Variants in RAET1E observed in about 807,000 individuals in gnomAD.
RAET1E encodes the protein retinoic acid early transcript 1E, also known as NKG2D ligand 4.
RAET1E carries 27 observed loss-of-function variants against 21.1 expected under a neutral mutation model. The ratio of observed to expected loss-of-function variants is 1.28; its 90% CI spans 0.94 to 1.76. The LOEUF is 1.76. Among genes scored for constraint, RAET1E ranks in the 40% most tolerant of loss-of-function variants. The pLI is 0.00. For synonymous variants in RAET1E, 113 were observed against 115.0 expected (o/e 0.98, Z 0.11); for missense variants, 310 against 311.3 (o/e 1.00, Z 0.03).
rs1317213638 is a variant in RAET1E at position 149,898,072 on chromosome 6, C to G, written c.-372G>C. 6.6e-6 allele frequency: 1 copy of G among 152,176 alleles called. No individual in the cohort carries two copies. Among genetic ancestry groups the G allele is most frequent in the East Asian group, 1.9e-4 (1 of 5,184 alleles). The allele number at this position is 152,176 out of a possible 1,614,324, so 9.4% of individuals were successfully genotyped here. A position where few individuals can be genotyped will look rare whatever the true frequency, so the allele number is the denominator to read the frequency against. On this transcript the variant is annotated 5_prime_UTR_variant, in exon 1 of 6. Transcript: ENST00000357183. ...TTCTGCCGTCTCTAGGATGGAGAGG[C>G]CTGAGGTGACTGCTTCCTCAGAGTC...
intron 2 of RAET1E, among the ~76,000 whole-genome samples, chr6:149,895,184 G>C (rs1778066129): frequency 6.6e-6 from 1 of 152,224 alleles, no homozygotes. Context: ...TCCTGTATGA[G>C]GTGTCTGTCG....
Position 149,892,566 on chromosome 6 carries a change from A to G in RAET1E, c.-133-1532T>C, listed in dbSNP as rs140494792. 6.1e-3 allele frequency among the ~76,000 whole-genome samples: 928 copies of G among 151,816 alleles called. 8 individuals are homozygous for G. The highest frequency in any genetic ancestry group is 0.021 in the African/African-American group (868 of 41,436). On this transcript the variant is annotated intron_variant, in intron 2 of 5. Coordinates refer to ENST00000357183, the MANE Select transcript of RAET1E (RefSeq NM_001394057.1). ...TTTTTGATGGGGTTGTTTTTTTTCTAGTAAATTTGTTTAAGTTCTTTGTAG... is the reference window on the plus strand; with the variant it reads ...TTTTTGATGGGGTTGTTTTTTTTCTGGTAAATTTGTTTAAGTTCTTTGTAG...
Position 149,884,309 on chromosome 6 carries a change from AT to A in RAET1E, c.*4188del, listed in dbSNP as rs1294056938. 0.013 allele frequency: 6,164 copies of A among 470,690 alleles called. No individual in the cohort carries two copies. The highest frequency in any genetic ancestry group is 0.019 in the Middle Eastern group (32 of 1,680). The allele number at this position is 470,690 out of a possible 1,614,324, so 29.2% of individuals were successfully genotyped here. On this transcript the variant is annotated 3_prime_UTR_variant, in exon 6 of 6. Coordinates refer to ENST00000357183, the MANE Select transcript of RAET1E (RefSeq NM_001394057.1). ...TTTAAAAAATATGTACTGAAAAAAA[AT>A]TTTTTTTTTTTGAGACGGAGTCTTG...
At position 149,884,632 on chromosome 6, in the gene RAET1E, T is replaced by G; in HGVS notation, c.*3866A>C. On this transcript the variant is annotated 3_prime_UTR_variant, in exon 6 of 6. Transcript: ENST00000357183. ...AGAGATCAGCCGCTATTGTTCACAT[T>G]CTGCCTCTCTGTCATCTAGTTTATG... The G allele has an allele frequency of 1.3e-6, 1 of 763,842 alleles. No homozygotes were observed. Among genetic ancestry groups the G allele is most frequent in the Non-Finnish European group, 2.2e-6 (1 of 455,360 alleles). 47.3% of individuals were successfully genotyped at this position (763,842 alleles called of 1,614,324 possible).
chr6:149,884,125 G>T lies in RAET1E; in HGVS notation c.*4373C>A, dbSNP rs1406582734. On this transcript the variant is annotated 3_prime_UTR_variant, in exon 6 of 6. Coordinates refer to ENST00000357183, the MANE Select transcript of RAET1E (RefSeq NM_001394057.1). The stretch of plus-strand genomic sequence containing the variant: ...CTCCCTCTCACACATAGAGGAGGGG[G>T]TGTTAGAACCAGGTGGGCTGGTGGT... 8.7e-6 allele frequency: 2 copies of T among 230,838 alleles called. No individual in the cohort carries two copies. The highest frequency in any genetic ancestry group is 8.5e-5 in the East Asian group (1 of 11,742). 14.3% of individuals were successfully genotyped at this position (230,838 alleles called of 1,614,324 possible). A position where few individuals can be genotyped will look rare whatever the true frequency, so the allele number is the denominator to read the frequency against.
At position 149,888,655 on chromosome 6, in the gene RAET1E, T is replaced by G. The variant is rs1403623846; in HGVS notation, c.635A>C (p.Asn212Thr). The part of the protein sequence containing the change: ...AMPEPTVSPV[N>T]ASDIHWSSSS... The stretch of plus-strand genomic sequence containing the variant: ...AGAAGACCAGTGGATATCTGAAGCA[T>G]TTACTGGTGACACTAAAAAAAAAAA... Residue 212 changes from asparagine to threonine, a missense_variant, in exon 6 of 6, where the codon AAT becomes ACT. Asn to Thr is a moderately conservative substitution (Grantham distance 65, BLOSUM62 0). Coordinates refer to ENST00000357183, the MANE Select transcript of RAET1E (RefSeq NM_001394057.1). The G allele has an allele frequency of 1.3e-6, 2 of 1,573,028 alleles. No homozygotes were observed. The highest frequency in any genetic ancestry group is 1.7e-6 in the Non-Finnish European group (2 of 1,171,108).
Position 149,890,823 on chromosome 6 carries a change from T to C in RAET1E, c.79A>G (p.Met27Val). The change falls in exon 3 of 6, where the codon ATG becomes GTG. Residue 27 changes from methionine (M) to valine (V), a missense_variant. Coordinates refer to ENST00000357183, the MANE Select transcript of RAET1E (RefSeq NM_001394057.1). The part of the protein sequence containing the change: ...LLLLLIALEI[M>V]VGGHSLCFNF... ...TTGTGCTCAGGACACTCACCAACCA[T>C]GATCTCCAAGGCTATTAGTAGCAAC... 1 of 1,611,356 alleles carries C rather than the reference T, an allele frequency of 6.2e-7. No individual in the cohort carries two copies. The highest frequency in any genetic ancestry group is 8.5e-7 in the Non-Finnish European group (1 of 1,177,704).
chr6:149,889,334 C>T lies in RAET1E; in HGVS notation c.622+14G>A. The T allele has an allele frequency of 2.5e-6, 4 of 1,613,646 alleles. No homozygotes were observed. Among genetic ancestry groups the T allele is most frequent in the Non-Finnish European group, 2.5e-6 (3 of 1,179,832 alleles). ...TAAAGGGAGCTGCCACATTCTCCCA[C>T]CCAGCTCAGTTACCTGTCGGTTCTG... On this transcript the variant is annotated intron_variant, in intron 5 of 5. Transcript: ENST00000357183.
chr6:149,886,343 C>T lies in RAET1E; in HGVS notation c.*2155G>A, dbSNP rs2115486015. Among the ~76,000 whole-genome samples the T allele has an allele frequency of 6.6e-6, 1 of 152,234 alleles. No individual in the cohort carries two copies. The highest frequency in any genetic ancestry group is 1.9e-4 in the East Asian group (1 of 5,188). On this transcript the variant is annotated 3_prime_UTR_variant, in exon 6 of 6. Coordinates refer to ENST00000357183, the MANE Select transcript of RAET1E (RefSeq NM_001394057.1). ...TGATTTCTAGTTTATTTCCATTGTG[C>T]TTGGACAAGATGCTTCGCATGATTT...
At position 149,889,980 on chromosome 6, in the gene RAET1E, G is replaced by A. The variant is rs1479606265; in HGVS notation, c.251C>T (p.Thr84Ile). 6.2e-7 allele frequency: 1 copy of A among 1,614,100 alleles called. No homozygotes were observed. The highest frequency in any genetic ancestry group is 1.1e-5 in the South Asian group (1 of 91,082). ...TTGGGTCAATTCTCCCCAAGTGCTG[G>A]TGGCATATACCTTCTTCCCCAGGAG... ...LGLLGKKVYA[T>I]STWGELTQTL... The change falls in exon 4 of 6, where the codon ACC becomes ATC. Residue 84 changes from threonine (T) to isoleucine (I), a missense_variant. Physicochemically the swap from Thr to Ile is moderately conservative, Grantham distance 89. Coordinates refer to ENST00000357183, the MANE Select transcript of RAET1E (RefSeq NM_001394057.1).
At position 149,890,863 on chromosome 6, in the gene RAET1E, A is replaced by G; in HGVS notation, c.39T>C (p.Leu13=). The change falls in exon 3 of 6, where the codon CTT becomes CTC. Residue 13 remains leucine, a synonymous_variant. Transcript: ENST00000357183. ...RISLTSSPVR[L]LLFLLLLLIA... ...TTAGTAGCAACAGCAGAAACAAAAG[A>G]AGGCGCACAGGGCTAGAAGTCAGGG... The G allele has an allele frequency of 1.2e-6, 2 of 1,613,796 alleles. No homozygotes were observed. The highest frequency in any genetic ancestry group is 1.7e-6 in the Non-Finnish European group (2 of 1,179,726).
rs983018149 is a variant in RAET1E, at chr6:149,889,737, T to C, written c.347-114A>G. ...GGTCTGTATTCTTTCTGCCCAGACT[T>C]GCCCTTTCCTGCCCATTGGGTCCCA... On this transcript the variant is annotated intron_variant, in intron 4 of 5. Transcript: ENST00000357183. 21 of 1,476,294 alleles carry C rather than the reference T, an allele frequency of 1.4e-5. No homozygotes were observed. In the African/African-American group the frequency reaches 2.2e-4, roughly 16 times the overall value. 91.4% of individuals were successfully genotyped at this position (1,476,294 alleles called of 1,614,324 possible).
In RAET1E at chr6:149,889,486, G is replaced by A. The variant is rs1777776835; in HGVS notation, c.484C>T (p.His162Tyr). The A allele has an allele frequency of 6.2e-7, 1 of 1,614,032 alleles. No individual in the cohort carries two copies. The highest frequency in any genetic ancestry group is 1.3e-5 in the African/African-American group (1 of 74,922). ...AMNMTWTVIN[H>Y]EASKIKETWK... ...GTCTCCTTGATCTTACTGGCTTCAT[G>A]ATTAATTACTGTCCAGGTCATGTTC... The change falls in exon 5 of 6, where the codon CAT (histidine) becomes TAT (tyrosine). Residue 162 changes from histidine to tyrosine, a missense_variant. Physicochemically the swap from His to Tyr is moderately conservative, Grantham distance 83. Coordinates refer to ENST00000357183, the MANE Select transcript of RAET1E (RefSeq NM_001394057.1).
rs1351588507 is a variant in RAET1E at position 149,885,283 on chromosome 6, G to A, written c.*3215C>T. On this transcript the variant is annotated 3_prime_UTR_variant, in exon 6 of 6. Coordinates refer to ENST00000357183, the MANE Select transcript of RAET1E (RefSeq NM_001394057.1). ...CGCTGTGGATGCATTAATTTGGAAA[G>A]GTCCCTGTTCACCTCAGGGCCCACT... Among the ~76,000 whole-genome samples the A allele has an allele frequency of 2.6e-5, 4 of 152,112 alleles. No individual in the cohort carries two copies. Among genetic ancestry groups the A allele is most frequent in the Non-Finnish European group, 5.9e-5 (4 of 68,026 alleles).
intron 5 of RAET1E, among the ~76,000 whole-genome samples, chr6:149,888,903 G>A (rs1419846853): frequency 6.6e-6 from 1 of 152,148 alleles, no homozygotes; most frequent in Non-Finnish European, 1.5e-5. Flanking sequence ...ATATCCATCT[G>A]ATTACCACAC....
intron 2 of RAET1E, among the ~76,000 whole-genome samples, chr6:149,893,101 T>C (rs1777977481): frequency 6.6e-6 from 1 of 152,224 alleles, no homozygotes; most frequent in African/African-American, 2.4e-5. Flanking sequence ...TTGGTTACTG[T>C]AGACTTGTAG....
intron 3 of RAET1E, 98 bp downstream of exon 3, chr6:149,890,719 C>G (rs191117996): frequency 1.2e-6 from 1 of 800,790 alleles, no homozygotes; most frequent in African/African-American, 1.7e-5. Context: ...AGAGCAGGCA[C>G]CCACTTGTCT....
chr6:149,893,312 A>G (rs936259639), intron 2 of RAET1E, among the ~76,000 whole-genome samples: 1 of 152,188 alleles, frequency 6.6e-6, no homozygotes, highest in African/African-American at 2.4e-5. Context: ...TTTTCACGAT[A>G]TTAGTGCTTC....
intron 1 of RAET1E, among the ~76,000 whole-genome samples, chr6:149,897,189 C>A (rs116269216): frequency 0.014 from 2,069 of 152,220 alleles, 65 homozygotes; most frequent in African/African-American, 0.048. Flanking sequence ...TGAGCCACCA[C>A]ACCCAGCTAA....
Sources: allele counts gnomAD v4.1 joint callset (sites outside exome capture counted in the v4.1 genomes callset), GRCh38; gene constraint gnomAD v4.1.1; transcripts MANE v1.5; gene names NCBI Gene and HGNC (gene_info 2026-07-23, HGNC 2026-07-21).